The following DACH2 variants were observed in gnomAD, a reference collection of about 807,000 sequenced individuals.
DACH2 encodes the protein dachshund family transcription factor 2.
In DACH2, 17 loss-of-function variants were observed where a neutral mutation model predicts 35.8. That is an observed-to-expected ratio of 0.48 (90% confidence interval 0.33 to 0.71). The LOEUF is 0.71. Ranked by LOEUF, DACH2 falls within the 30% of genes least tolerant of loss-of-function variation. The probability of loss-of-function intolerance (pLI) is 0.02; values close to 1 mark genes in which losing one functional copy is unlikely to be tolerated. For synonymous variants in DACH2, 195 were observed against 177.3 expected (o/e 1.10, Z -0.79); for missense variants, 469 against 472.7 (o/e 0.99, Z 0.07).
Position 86,695,041 on chromosome X carries a change from G to C in DACH2, c.793G>C (p.Asp265His). The C allele has an allele frequency of 9.1e-7, 1 of 1,100,838 alleles. No homozygotes were observed. The highest frequency in any genetic ancestry group is 1.2e-6 in the Non-Finnish European group (1 of 836,162). The allele number at this position is 1,100,838 out of a possible 1,213,427, so 90.7% of individuals were successfully genotyped here. ...SNTGGSESSWDKDKMQSPFAA... is the reference protein window; with the variant it reads ...SNTGGSESSWHKDKMQSPFAA... ...TTCAGGTGGAAGTGAATCCTCCTGG[G>C]ATAAAGATAAGATGCAGTCTCCATT... Residue 265 changes from aspartate (D) to histidine (H), a missense_variant, in exon 5 of 12, where the codon GAT becomes CAT. Physicochemically the swap from Asp to His is moderately conservative, Grantham distance 81. Around this residue, in one of 3 missense-constraint regions of DACH2, gnomAD observed 363 missense variants for 334.4 expected, o/e 1.09. Transcript: ENST00000373125.
At chrX:86,747,488 G>A (rs2041725902) in intron 7 of DACH2, among the ~76,000 whole-genome samples, 1 of 111,272 alleles carries the variant, frequency 9.0e-6, no homozygotes, top group African/African-American at 3.3e-5. Flanking sequence ...AGCATATATT[G>A]CAATAAAGCA....
At chrX:86,637,117 C>T (rs1269898707) in intron 3 of DACH2, among the ~76,000 whole-genome samples, 1 of 94,552 alleles carries the variant, frequency 1.1e-5, no homozygotes, top group Non-Finnish European at 2.1e-5. Context: ...TGAAAAAAAG[C>T]TCAACATCAC....
chrX:86,687,982 G>A (rs2040966944), intron 4 of DACH2, among the ~76,000 whole-genome samples: 1 of 110,495 alleles, frequency 9.1e-6, no homozygotes, highest in South Asian at 3.9e-4. Context: ...CAGGGCAAGT[G>A]TATACCTATG....
In DACH2 at chrX:86,598,759, A is replaced by G. The variant is rs765102904; in HGVS notation, c.641-52277A>G. 4.5e-5 allele frequency among the ~76,000 whole-genome samples: 5 copies of G among 110,029 alleles called. No homozygotes were observed. In the South Asian group the frequency reaches 2.0e-3, roughly 44 times the overall value. On this transcript the variant is annotated intron_variant, in intron 3 of 11. Coordinates refer to ENST00000373125, the MANE Select transcript of DACH2 (RefSeq NM_053281.3). ...GAACTTCCCACACTGTTCCAAAAAA[A>G]AGTTAGCCTCCTTAGGGAGAGCTTC...
At chrX:86,633,221 A>G (rs1025578262) in intron 3 of DACH2, among the ~76,000 whole-genome samples, 1 of 111,725 alleles carries the variant, frequency 9.0e-6, no homozygotes, top group Non-Finnish European at 1.9e-5. Context: ...TGGACAAACT[A>G]AGAAGAGAGA....
chrX:86,207,915 A>G (rs774690525), intron 1 of DACH2, among the ~76,000 whole-genome samples: 1 of 111,291 alleles, frequency 9.0e-6, no homozygotes, highest in African/African-American at 3.2e-5. Context: ...ATACTATAAT[A>G]CTTATTTCAG....
At chrX:86,611,699 A>G (rs2039946672) in intron 3 of DACH2, among the ~76,000 whole-genome samples, 1 of 110,990 alleles carries the variant, frequency 9.0e-6, no homozygotes, top group Non-Finnish European at 1.9e-5. Context: ...GTGACAGGGC[A>G]GCACTAAATT....
intron 1 of DACH2, among the ~76,000 whole-genome samples, chrX:86,185,788 A>T (rs1237090509): frequency 8.9e-6 from 1 of 112,150 alleles, no homozygotes; most frequent in Non-Finnish European, 1.9e-5. Flanking sequence ...GATTTATTAC[A>T]TTGTATTCGT....
chrX:86,402,542 A>G (rs1395257743), intron 2 of DACH2, among the ~76,000 whole-genome samples: 1 of 111,588 alleles, frequency 9.0e-6, no homozygotes, highest in Admixed American at 9.5e-5. Context: ...GACACAAATA[A>G]ATGAGAAATA....
intron 1 of DACH2, among the ~76,000 whole-genome samples, chrX:86,152,487 C>T (rs1378090902): frequency 9.0e-6 from 1 of 111,449 alleles, no homozygotes; most frequent in Non-Finnish European, 1.9e-5. Context: ...CAAGAACTAC[C>T]AGTGCCTTTT....
At chrX:86,174,698 G>A (rs180682754) in intron 1 of DACH2, among the ~76,000 whole-genome samples, 1 of 111,355 alleles carries the variant, frequency 9.0e-6, no homozygotes, top group Non-Finnish European at 1.9e-5. Context: ...TTTAGAGACA[G>A]GTTCTTGCTG....
chrX:86,436,886 G>T (rs1367811327), intron 2 of DACH2, among the ~76,000 whole-genome samples: 1 of 110,927 alleles, frequency 9.0e-6, no homozygotes, highest in Non-Finnish European at 1.9e-5. Flanking sequence ...TCAAGGAGCT[G>T]GTCCATTTCA....
intron 3 of DACH2, among the ~76,000 whole-genome samples, chrX:86,523,581 G>T (rs1251004503): frequency 9.0e-6 from 1 of 111,378 alleles, no homozygotes; most frequent in Non-Finnish European, 1.9e-5. Flanking sequence ...AAGGCTTGTA[G>T]GTTAGGGTTT....
chrX:86,551,641 C>G (rs1223116381), intron 3 of DACH2, among the ~76,000 whole-genome samples: 1 of 111,807 alleles, frequency 8.9e-6, no homozygotes, highest in Non-Finnish European at 1.9e-5. Context: ...AGATGCCAAG[C>G]CTCTTATACA....
chrX:86,712,169 AC>A, intron 5 of DACH2, among the ~76,000 whole-genome samples: 1 of 111,325 alleles, frequency 9.0e-6, no homozygotes, highest in South Asian at 3.8e-4. Context: ...TTATATAGAA[AC>A]CTACTTAGGT....
At chrX:86,419,988 T>A (rs2148156224) in intron 2 of DACH2, among the ~76,000 whole-genome samples, 1 of 111,953 alleles carries the variant, frequency 8.9e-6, no homozygotes, top group South Asian at 3.7e-4. Flanking sequence ...GATAAAAAAA[T>A]TAAACTAGTA....
chrX:86,327,136 T>C (rs185847134), intron 1 of DACH2, among the ~76,000 whole-genome samples: 9 of 112,355 alleles, frequency 8.0e-5, no homozygotes, highest in Admixed American at 1.9e-4. Flanking sequence ...CATTCTCTGG[T>C]AGTAGATATA....
In DACH2 at chrX:86,359,084, C is replaced by CTTATGTGTGTGT. The variant is rs200413091; in HGVS notation, c.489-17740_489-17739insTTATGTGTGTGT. ...GAGAAATAGAACCATTATATTTTGTCGTGTGTGTGTGTGTGTGTGTGTGTG... is the reference window on the plus strand; with the variant it reads ...GAGAAATAGAACCATTATATTTTGTCTTATGTGTGTGTGTGTGTGTGTGTGTGTGTGTGTGTG... On this transcript the variant is annotated intron_variant, in intron 1 of 11. Transcript: ENST00000373125. Among the ~76,000 whole-genome samples the CTTATGTGTGTGT allele has an allele frequency of 5.3e-3, 527 of 98,513 alleles. 8 individuals carry two copies. The highest frequency in any genetic ancestry group is 0.019 in the East Asian group (53 of 2,798). The allele number at this position is 98,513 out of a possible 115,157, so 85.5% of individuals were successfully genotyped here. A position where few individuals can be genotyped will look rare whatever the true frequency, so the allele number is the denominator to read the frequency against.
chrX:86,541,881 A>T (rs1352467159), intron 3 of DACH2, among the ~76,000 whole-genome samples: 1 of 111,521 alleles, frequency 9.0e-6, no homozygotes, highest in East Asian at 2.8e-4. Context: ...TCATCCAAGG[A>T]GTTCTAACTC....
Sources: gnomAD v4.1 joint callset for allele counts (sites outside exome capture counted in the v4.1 genomes callset) on GRCh38, gnomAD v4.1.1 for gene constraint, gnomAD v4.1.1 regional missense constraint, MANE v1.5 for transcripts, NCBI Gene and HGNC (gene_info 2026-07-23, HGNC 2026-07-21) for gene names.